HIVEP3: variants seen among roughly 807,000 people sequenced by gnomAD.
HIVEP3 encodes the protein transcription factor HIVEP3.
In HIVEP3, 49 loss-of-function variants were observed where a neutral mutation model predicts 152.8. The observed-to-expected ratio is 0.32, with a 90% CI of 0.26 to 0.41. HIVEP3 has a LOEUF of 0.41. Among genes scored for constraint, HIVEP3 ranks in the 10% least tolerant of loss-of-function variants. The pLI, the probability that HIVEP3 is intolerant of heterozygous loss-of-function variation, is 1.00. For missense variants in HIVEP3, 2,790 were observed against 3,103.3 expected (o/e 0.90, Z 2.40); for synonymous variants, 1,269 against 1,289.0 (o/e 0.98, Z 0.33).
chr1:41,920,577 G>GTTTTTTTTTTTTTTTTTT (rs10708045), upstream of HIVEP3, among the ~76,000 whole-genome samples: 1 of 123,180 alleles, frequency 8.1e-6, no homozygotes, highest in Non-Finnish European at 2.0e-5. Flanking sequence ...AAACAAGATG[G>GTTTTTTTTTTTTTTTTTT]TTTTTTTTTT....
At chr1:41,852,363 C>T (rs1187615064) in intron 1 of HIVEP3, among the ~76,000 whole-genome samples, 2 of 152,206 alleles carry the variant, frequency 1.3e-5, no homozygotes, top group South Asian at 2.1e-4. Flanking sequence ...ACAGGGACAC[C>T]GTCATCGGCC....
At chr1:41,888,473 GCCT>G (rs1644387244) in intron 1 of HIVEP3, among the ~76,000 whole-genome samples, 1 of 151,834 alleles carries the variant, frequency 6.6e-6, no homozygotes, top group African/African-American at 2.4e-5. Context: ...AGAAAGGAAG[GCCT>G]ATCCAGAGAG....
intron 1 of HIVEP3, among the ~76,000 whole-genome samples, chr1:41,703,879 G>A (rs1646397625): frequency 6.6e-6 from 1 of 152,216 alleles, no homozygotes; most frequent in African/African-American, 2.4e-5. Flanking sequence ...ATCTAGGCGG[G>A]AGGAGATTCG....
chr1:41,527,220 A>ACCCC (rs774374739), intron 5 of HIVEP3, among the ~76,000 whole-genome samples: 2 of 78,294 alleles, frequency 2.6e-5, no homozygotes, highest in Non-Finnish European at 5.2e-5. Context: ...TCACCCTCAC[A>ACCCC]CACTCACCCT....
intron 1 of HIVEP3, among the ~76,000 whole-genome samples, chr1:41,975,097 C>A (rs1329247608): frequency 6.6e-6 from 1 of 152,146 alleles, no homozygotes; most frequent in Non-Finnish European, 1.5e-5. Flanking sequence ...ATATAAAGAC[C>A]TGGAGACCTG....
chr1:41,609,077 G>A (rs1231985878), intron 3 of HIVEP3, among the ~76,000 whole-genome samples: 4 of 151,908 alleles, frequency 2.6e-5, no homozygotes, highest in African/African-American at 9.7e-5. Context: ...AAAAAAAACG[G>A]TTTTCACTGT....
rs138138987 is a variant in HIVEP3, at chr1:41,836,092, G to A, written c.-801+82321C>T. ...GGCAGCTCTCAGCACCTGAGCTTTC[G>A]TGCATGTTTTGAGTCCCATGATCCT... On this transcript the variant is annotated intron_variant, in intron 1 of 8. Transcript: ENST00000372583. Among the ~76,000 whole-genome samples the A allele has an allele frequency of 1.3e-3, 197 of 152,228 alleles. 1 individual carries two copies. The highest frequency in any genetic ancestry group is 4.0e-3 in the African/African-American group (167 of 41,518).
Position 41,850,894 on chromosome 1 carries a change from A to C in HIVEP3, c.-801+67519T>G, listed in dbSNP as rs151163277. Among the ~76,000 whole-genome samples, 5 of 152,104 alleles carry C rather than the reference A, an allele frequency of 3.3e-5. No individual in the cohort carries two copies. In the East Asian group the frequency reaches 9.6e-4, roughly 29 times the overall value. The stretch of plus-strand genomic sequence containing the variant: ...TCCTAAAATTCCATTCTGAGTTTCA[A>C]CTTGGACCTGTGCTGGTCCCTCTTC... On this transcript the variant is annotated intron_variant, in intron 1 of 8. Coordinates refer to ENST00000372583, the MANE Select transcript of HIVEP3 (RefSeq NM_024503.5).
Position 41,526,857 on chromosome 1 carries a change from A to G in HIVEP3, c.5208-1947T>C, listed in dbSNP as rs1005228250. On this transcript the variant is annotated intron_variant, in intron 5 of 8. Transcript: ENST00000372583. ...CACACCCGTTCACACACTCACCCTA[A>G]CACGCTCACACACAGCCTCACAAGC... is the stretch of plus-strand genomic sequence containing the variant. Among the ~76,000 whole-genome samples the G allele has an allele frequency of 4.5e-5, 5 of 111,434 alleles. No homozygotes were observed. The Admixed American group carries it at 4.6e-4, about 10-fold the overall frequency. The allele number at this position is 111,434 out of a possible 152,430, so 73.1% of individuals were successfully genotyped here.
At chr1:41,608,594 C>T (rs968927033) in intron 3 of HIVEP3, among the ~76,000 whole-genome samples, 2 of 152,210 alleles carry the variant, frequency 1.3e-5, no homozygotes, top group African/African-American at 4.8e-5. Flanking sequence ...TTGAACTATG[C>T]TTGGCTCTTC....
At chr1:41,866,173 C>A (rs1026248878) in intron 1 of HIVEP3, among the ~76,000 whole-genome samples, 8 of 152,198 alleles carry the variant, frequency 5.3e-5, no homozygotes. Context: ...GTGGGGGGTG[C>A]AGCTGCCTTG....
At chr1:41,733,681 T>C (rs1646875726) in intron 1 of HIVEP3, among the ~76,000 whole-genome samples, 3 of 152,272 alleles carry the variant, frequency 2.0e-5, no homozygotes, top group South Asian at 4.1e-4. Flanking sequence ...CTTAGGGGAA[T>C]TGGTTCTGCA....
intron 3 of HIVEP3, among the ~76,000 whole-genome samples, chr1:41,588,735 C>A (rs903952185): frequency 6.6e-6 from 1 of 152,154 alleles, no homozygotes; most frequent in Non-Finnish European, 1.5e-5. Flanking sequence ...GCAGAGTGAG[C>A]GAGGCCTGTG....
intron 5 of HIVEP3, among the ~76,000 whole-genome samples, chr1:41,567,734 C>T (rs1644188746): frequency 1.3e-5 from 2 of 152,256 alleles, no homozygotes; most frequent in South Asian, 4.1e-4. Flanking sequence ...CCCTTTCTGG[C>T]ATTATGTATT....
chr1:41,606,414 C>T (rs545862632), intron 3 of HIVEP3, among the ~76,000 whole-genome samples: 6 of 151,920 alleles, frequency 3.9e-5, no homozygotes, highest in Non-Finnish European at 7.4e-5. Flanking sequence ...ACATTCTCAT[C>T]GACAGTATAA....
At chr1:41,711,092 G>A (rs997828742) in intron 1 of HIVEP3, among the ~76,000 whole-genome samples, 2 of 152,220 alleles carry the variant, frequency 1.3e-5, no homozygotes, top group African/African-American at 4.8e-5. Context: ...AGTCCCCACT[G>A]CCACCCACCG....
rs141187776 is a variant in HIVEP3 at position 41,514,624 on chromosome 1, G to A, written c.5471-874C>T. ...TGAAGTCCAGGCTGCCTCTAGCCTC[G>A]GGGCCCTCCCATTGCCTGCCAGCCC... On this transcript the variant is annotated intron_variant, in intron 7 of 8. Transcript: ENST00000372583. 5.4e-3 allele frequency among the ~76,000 whole-genome samples: 829 copies of A among 152,252 alleles called. 6 individuals are homozygous for A. The highest frequency in any genetic ancestry group is 0.018 in the African/African-American group (733 of 41,552).
intron 1 of HIVEP3, among the ~76,000 whole-genome samples, chr1:41,961,672 G>T (rs1325072676): frequency 2.0e-5 from 3 of 152,222 alleles, no homozygotes; most frequent in African/African-American, 7.2e-5. Context: ...CAATTGTGTG[G>T]GATTGCATTG....
rs533020166 is a variant in HIVEP3, at chr1:41,524,064, C to A, written c.5383+671G>T. Among the ~76,000 whole-genome samples the A allele has an allele frequency of 1.2e-4, 18 of 152,248 alleles. No homozygotes were observed. The East Asian group carries it at 3.1e-3, about 26-fold the overall frequency. ...CATGCCCATCACCCATCACAGCTCT[C>A]TGGGATGCATGCCTTTCACAGCAGG... On this transcript the variant is annotated intron_variant, in intron 6 of 8. Coordinates refer to ENST00000372583, the MANE Select transcript of HIVEP3 (RefSeq NM_024503.5).
Sources: gnomAD v4.1 joint callset for allele counts (sites outside exome capture counted in the v4.1 genomes callset) on GRCh38, gnomAD v4.1.1 for gene constraint, MANE v1.5 for transcripts, NCBI Gene and HGNC (gene_info 2026-07-23, HGNC 2026-07-21) for gene names.